The following ZZEF1 variants were observed in gnomAD, a reference collection of about 807,000 sequenced individuals.
The protein encoded by ZZEF1 is zinc finger ZZ-type and EF-hand domain containing 1.
A neutral mutation model predicts 342.8 loss-of-function variants in ZZEF1; 157 were observed. The ratio of observed to expected loss-of-function variants is 0.46; its 90% CI spans 0.40 to 0.52. The LOEUF (loss-of-function observed/expected upper bound fraction) is 0.52. Ranked by LOEUF, ZZEF1 falls within the 20% of genes least tolerant of loss-of-function variation. The probability of loss-of-function intolerance (pLI) is 0.00; values close to 1 mark genes in which losing one functional copy is unlikely to be tolerated. For synonymous variants in ZZEF1, 1,505 were observed against 1,429.1 expected, an observed-to-expected ratio of 1.05 and a Z score of -1.20; for missense variants, 3,480 against 3,725.6, an observed-to-expected ratio of 0.93 and a Z score of 1.72.
Position 4,066,080 on chromosome 17 carries a change from T to C in ZZEF1, c.4249+367A>G, listed in dbSNP as rs562222697. ...TACCCGGTAGGCTAAGGCGGGAAGA[T>C]TGCTTGAGCCCAGGAGTGGGAGGCT... On this transcript the variant is annotated intron_variant, in intron 28 of 54. Coordinates refer to ENST00000381638, the MANE Select transcript of ZZEF1 (RefSeq NM_015113.4). Among the ~76,000 whole-genome samples the C allele has an allele frequency of 9.5e-4, 144 of 152,256 alleles. 2 individuals carry two copies. The highest frequency in any genetic ancestry group is 3.2e-3 in the African/African-American group (132 of 41,548).
intron 52 of ZZEF1, among the ~76,000 whole-genome samples, chr17:4,012,574 C>A (rs1375217561): frequency 6.6e-6 from 1 of 152,104 alleles, no homozygotes; most frequent in African/African-American, 2.4e-5. Flanking sequence ...ACATATATGG[C>A]GCAGTCACTA....
intron 2 of ZZEF1, among the ~76,000 whole-genome samples, chr17:4,118,476 T>G (rs976286368): frequency 2.0e-5 from 3 of 152,202 alleles, no homozygotes; most frequent in Admixed American, 2.0e-4. Context: ...ACAGCATCCC[T>G]GTCTGCCACT....
At chr17:4,134,281 T>C (rs2058713307) in intron 1 of ZZEF1, among the ~76,000 whole-genome samples, 1 of 150,620 alleles carries the variant, frequency 6.6e-6, no homozygotes, top group Non-Finnish European at 1.5e-5. Context: ...ATCACACTAC[T>C]GCACTCTAGC....
Position 4,104,703 on chromosome 17 carries a change from G to A in ZZEF1, c.1503C>T (p.Asp501=). Residue 501 remains aspartate, a synonymous_variant, in exon 8 of 55, where the codon GAC becomes GAT. Transcript: ENST00000381638. ...SSLCTITDHL[D]TQYDASSLIL... is the part of the protein sequence containing the mutation. The stretch of plus-strand genomic sequence containing the variant: ...TGAGGGATGAGGCATCATACTGCGT[G>A]TCCAGATGGTCAGTGATGGTGCATA... 6.2e-7 allele frequency: 1 copy of A among 1,614,172 alleles called. No homozygotes were observed. The highest frequency in any genetic ancestry group is 8.5e-7 in the Non-Finnish European group (1 of 1,180,006).
At chr17:4,067,084 AG>A in intron 27 of ZZEF1, 78 bp downstream of exon 27, 20 of 1,203,710 alleles carry the variant, frequency 1.7e-5, no homozygotes, top group Non-Finnish European at 2.3e-5. Context: ...TCTTGAGAAG[AG>A]AACAATTCAT....
chr17:4,134,121 CT>C (rs781522128), intron 1 of ZZEF1, among the ~76,000 whole-genome samples: 4 of 151,880 alleles, frequency 2.6e-5, no homozygotes, highest in Admixed American at 6.6e-5. Flanking sequence ...ATTACCACAG[CT>C]TTGTGAACAG....
chr17:4,132,217 TTG>T (rs1309717905), intron 1 of ZZEF1, among the ~76,000 whole-genome samples: 1 of 151,522 alleles, frequency 6.6e-6, no homozygotes, highest in Non-Finnish European at 1.5e-5. Flanking sequence ...TTTTTTTTTT[TTG>T]AGACACCAGG....
rs1235093942 is a variant in ZZEF1, at chr17:4,034,052, G to A, written c.6547C>T (p.His2183Tyr). The A allele has an allele frequency of 1.9e-6, 3 of 1,614,188 alleles. No individual in the cohort carries two copies. The highest frequency in any genetic ancestry group is 3.3e-5 in the Admixed American group (2 of 60,026). ...ACAGCTCCCAGGCTAAAGAGCAGGT[G>A]GGTGGTTTTCCAGCCATCTGGCACA... ...SIVPDGWKTTHLLFSLGAVCL... is the reference protein window; with the variant it reads ...SIVPDGWKTTYLLFSLGAVCL... The change falls in exon 40 of 55, where the codon CAC becomes TAC. Residue 2183 changes from histidine (H) to tyrosine (Y), a missense_variant. His to Tyr is a moderately conservative substitution (Grantham distance 83). Coordinates refer to ENST00000381638, the MANE Select transcript of ZZEF1 (RefSeq NM_015113.4).
Position 4,014,672 on chromosome 17 carries a change from A to C in ZZEF1, c.8146-157T>G, listed in dbSNP as rs1450492584. 6.6e-6 allele frequency among the ~76,000 whole-genome samples: 1 copy of C among 152,178 alleles called. No homozygotes were observed. The highest frequency in any genetic ancestry group is 1.5e-5 in the Non-Finnish European group (1 of 68,030). On this transcript the variant is annotated intron_variant, in intron 49 of 54. Coordinates refer to ENST00000381638, the MANE Select transcript of ZZEF1 (RefSeq NM_015113.4). This position sits in a 1 kb window ranked among gnomAD's most constrained non-coding sequence, Gnocchi z 4.4. ...AGTGCAGAGTCCAGCTAGGGCGAGG[A>C]GCATGCACAGACTGCAAATATGGTG... is the stretch of plus-strand genomic sequence containing the variant.
Position 4,075,194 on chromosome 17 carries a change from C to T in ZZEF1, c.3402-16G>A. On this transcript the variant is annotated splice_polypyrimidine_tract_variant and intron_variant, in intron 22 of 54. Coordinates refer to ENST00000381638, the MANE Select transcript of ZZEF1 (RefSeq NM_015113.4). Reference sequence around the variant, plus strand: ...ATAATCATACCTGTGAAGGCATAACCTCTATTAGCTTCCTTCTCTCATTGC... The same window carrying T: ...ATAATCATACCTGTGAAGGCATAACTTCTATTAGCTTCCTTCTCTCATTGC... The T allele has an allele frequency of 1.2e-6, 2 of 1,614,038 alleles. No individual in the cohort carries two copies. Among genetic ancestry groups the T allele is most frequent in the Non-Finnish European group, 1.7e-6 (2 of 1,179,898 alleles).
chr17:4,096,533 A>C, intron 10 of ZZEF1, 76 bp downstream of exon 10: 1 of 1,231,982 alleles, frequency 8.1e-7, no homozygotes, highest in East Asian at 2.3e-5. Flanking sequence ...CCACAAATAT[A>C]TATACCTACT....
At chr17:4,037,743 C>T (rs910019766) in intron 39 of ZZEF1, among the ~76,000 whole-genome samples, 5 of 152,158 alleles carry the variant, frequency 3.3e-5, no homozygotes, top group African/African-American at 1.2e-4. Flanking sequence ...GCCACCATGC[C>T]TGGTTAATTT....
intron 54 of ZZEF1, 96 bp from the exon 55 acceptor site, chr17:4,007,066 G>A: frequency 1.8e-6 from 2 of 1,136,004 alleles, no homozygotes; most frequent in East Asian, 2.6e-5. Context: ...AGGATGTGGG[G>A]ACGGAGGAGG....
Position 4,085,739 on chromosome 17 carries a change from G to C in ZZEF1, c.2577C>G (p.Thr859=). 1 of 1,614,092 alleles carries C rather than the reference G, an allele frequency of 6.2e-7. No individual in the cohort carries two copies. The highest frequency in any genetic ancestry group is 8.5e-7 in the Non-Finnish European group (1 of 1,179,988). The change falls in exon 16 of 55, where the codon ACC becomes ACG. Residue 859 remains threonine (T), a synonymous_variant. Coordinates refer to ENST00000381638, the MANE Select transcript of ZZEF1 (RefSeq NM_015113.4). ...AGAAGATGGCAGCCCCATTGAGAAG[G>C]GTATTCCTGACTTCTTGTTTTAGTA... is the stretch of plus-strand genomic sequence containing the variant. ...MEILKQEVRN[T]LLNGAAIFFP... is the part of the protein sequence containing the mutation.
intron 34 of ZZEF1, 49 bp from the exon 35 acceptor site, chr17:4,052,185 A>G (rs2057063385): frequency 6.5e-7 from 1 of 1,528,448 alleles, no homozygotes; most frequent in Non-Finnish European, 8.8e-7. Context: ...GGGCTCCTAG[A>G]TGGGCTAGTT....
intron 1 of ZZEF1, among the ~76,000 whole-genome samples, chr17:4,134,613 T>C (rs1354412565): frequency 5.3e-5 from 8 of 152,128 alleles, no homozygotes; most frequent in African/African-American, 1.9e-4. Context: ...TGGATCAACT[T>C]ATATTTTCCA....
At chr17:4,052,171 T>C (rs748526911) in intron 34 of ZZEF1, 35 bp from the exon 35 acceptor site, 5 of 1,571,714 alleles carry the variant, frequency 3.2e-6, no homozygotes, top group East Asian at 2.3e-5. Flanking sequence ...GGGGATGAGG[T>C]AGAGGGCTCC....
chr17:4,028,008 T>C (rs999655529), intron 42 of ZZEF1, among the ~76,000 whole-genome samples: 9 of 152,192 alleles, frequency 5.9e-5, no homozygotes, highest in Admixed American at 3.3e-4. Flanking sequence ...GCTCTTTATC[T>C]TTTTGGGTTT....
At chr17:4,060,487 C>T (rs550325782) in intron 30 of ZZEF1, among the ~76,000 whole-genome samples, 16 of 151,938 alleles carry the variant, frequency 1.1e-4, no homozygotes, top group African/African-American at 3.9e-4. Context: ...AGACGGAGGC[C>T]GCAGTGAGCC....
Sources: allele counts gnomAD v4.1 joint callset (sites outside exome capture counted in the v4.1 genomes callset), GRCh38; gene constraint gnomAD v4.1.1; non-coding constraint Gnocchi (gnomAD v3.1); transcripts MANE v1.5; gene names NCBI Gene and HGNC (gene_info 2026-07-23, HGNC 2026-07-21).